DLGAP2: variants seen among roughly 807,000 people sequenced by gnomAD.
DLGAP2 encodes DLG associated protein 2.
In DLGAP2, 26 loss-of-function variants were observed where a neutral mutation model predicts 100.3. The observed-to-expected ratio is 0.26, with a 90% CI of 0.19 to 0.36. The LOEUF is 0.36. DLGAP2 is among the 10% of genes least tolerant of loss of function. The probability of loss-of-function intolerance (pLI) is 1.00; values close to 1 mark genes in which losing one functional copy is unlikely to be tolerated. For missense variants in DLGAP2, 1,858 were observed against 1,453.2 expected, an observed-to-expected ratio of 1.28 and a Z score of -4.53; for synonymous variants, 886 against 630.1, an observed-to-expected ratio of 1.41 and a Z score of -6.08.
At chr8:1,234,543 T>TAG (rs1798603706) in intron 2 of DLGAP2, among the ~76,000 whole-genome samples, 1 of 152,176 alleles carries the variant, frequency 6.6e-6, no homozygotes, top group East Asian at 1.9e-4. Flanking sequence ...ACCCTATTTC[T>TAG]AAACTAAGGT....
chr8:747,028 T>A (rs987424743), intron 1 of DLGAP2, among the ~76,000 whole-genome samples: 43 of 151,854 alleles, frequency 2.8e-4, no homozygotes, highest in African/African-American at 9.0e-4. Flanking sequence ...GGAAGGGAAA[T>A]GGGCCCCTTG....
intron 2 of DLGAP2, among the ~76,000 whole-genome samples, chr8:1,145,755 C>A (rs1796594792): frequency 1.6e-5 from 2 of 126,294 alleles, no homozygotes; most frequent in East Asian, 3.0e-4. Flanking sequence ...TAATGCTATC[C>A]CTCCCCCCTC....
chr8:958,974 C>G (rs569138350), intron 2 of DLGAP2, among the ~76,000 whole-genome samples: 2 of 152,122 alleles, frequency 1.3e-5, no homozygotes, highest in Admixed American at 6.5e-5. Context: ...AGCATTGATG[C>G]TGAAGATTAT....
Position 1,706,020 on chromosome 8 carries a change from C to T in DLGAP2, c.*4614C>T, listed in dbSNP as rs1437356108. 1 of 152,248 alleles carries T rather than the reference C, an allele frequency of 6.6e-6. No individual in the cohort carries two copies. The highest frequency in any genetic ancestry group is 2.4e-5 in the African/African-American group (1 of 41,454). The allele number at this position is 152,248 out of a possible 1,614,324, so 9.4% of individuals were successfully genotyped here. Reference sequence around the variant, plus strand: ...CACCACATAAGGTCAGCTCAGAGCCCATGGCTTCCCTGCAGGAGCCCCATC... The same window carrying T: ...CACCACATAAGGTCAGCTCAGAGCCTATGGCTTCCCTGCAGGAGCCCCATC... On this transcript the variant is annotated 3_prime_UTR_variant, in exon 15 of 15. Transcript: ENST00000637795.
At chr8:1,229,501 T>TTG (rs1373788420) in intron 2 of DLGAP2, among the ~76,000 whole-genome samples, 1 of 152,130 alleles carries the variant, frequency 6.6e-6, no homozygotes, top group Non-Finnish European at 1.5e-5. Context: ...ATTTTCTAGT[T>TTG]TGTGTGTGTA....
chr8:1,508,831 G>T (rs1414404875), intron 4 of DLGAP2, among the ~76,000 whole-genome samples: 1 of 151,734 alleles, frequency 6.6e-6, no homozygotes, highest in Admixed American at 6.6e-5. Flanking sequence ...ACGGGGCCAG[G>T]CTCGGGCTCC....
intron 2 of DLGAP2, among the ~76,000 whole-genome samples, chr8:1,153,584 T>G (rs532106783): frequency 4.3e-4 from 65 of 152,248 alleles, no homozygotes; most frequent in African/African-American, 1.5e-3. Flanking sequence ...TTCATTAGAG[T>G]AAAATTATCA....
chr8:1,388,615 A>T lies in DLGAP2; in HGVS notation c.107-112751A>T, dbSNP rs1444768200. Among the ~76,000 whole-genome samples the T allele has an allele frequency of 2.8e-5, 2 of 71,944 alleles. 1 individual carries two copies. The highest frequency in any genetic ancestry group is 2.7e-4 in the Admixed American group (2 of 7,448). 47.2% of individuals were successfully genotyped at this position (71,944 alleles called of 152,430 possible). On this transcript the variant is annotated intron_variant, in intron 3 of 14. Coordinates refer to ENST00000637795, the MANE Select transcript of DLGAP2 (RefSeq NM_001346810.2). ...AGGGCTGTGAGAGCAGAGGCCGTGG[A>T]TGGGGAGGCTCTGGTTCAGGTGTCA...
chr8:1,036,363 G>C (rs924324723), intron 2 of DLGAP2, among the ~76,000 whole-genome samples: 1 of 152,254 alleles, frequency 6.6e-6, no homozygotes, highest in East Asian at 1.9e-4. Context: ...GAGGACACAA[G>C]ACCCCCCGAC....
intron 2 of DLGAP2, among the ~76,000 whole-genome samples, chr8:1,251,677 C>T (rs1330799504): frequency 2.6e-5 from 4 of 152,230 alleles, no homozygotes; most frequent in African/African-American, 7.2e-5. Context: ...TGTTGGAATA[C>T]AGTCATGTGA....
chr8:893,677 A>C (rs1398030752), intron 1 of DLGAP2, among the ~76,000 whole-genome samples: 2 of 152,354 alleles, frequency 1.3e-5, no homozygotes, highest in East Asian at 3.9e-4. Context: ...GACAGCATCC[A>C]GCGGCCCTCC....
chr8:1,672,797 G>T (rs533587232), intron 10 of DLGAP2, among the ~76,000 whole-genome samples: 3 of 152,358 alleles, frequency 2.0e-5, no homozygotes, highest in East Asian at 1.9e-4. Flanking sequence ...GGCAGAGCAC[G>T]TCTCAGAGGG....
chr8:1,062,488 G>A (rs1018304974), intron 2 of DLGAP2, among the ~76,000 whole-genome samples: 1 of 152,108 alleles, frequency 6.6e-6, no homozygotes, highest in East Asian at 1.9e-4. Context: ...GGCTCTCCTC[G>A]GTAAGTCAAG....
chr8:1,583,745 C>T (rs917972002), intron 6 of DLGAP2, among the ~76,000 whole-genome samples: 2 of 152,130 alleles, frequency 1.3e-5, no homozygotes, highest in African/African-American at 4.8e-5. Context: ...GCTCCAAGTC[C>T]TGCCTCTCAC....
intron 3 of DLGAP2, among the ~76,000 whole-genome samples, chr8:1,447,078 C>G (rs1215270354): frequency 6.6e-6 from 1 of 152,174 alleles, no homozygotes; most frequent in African/African-American, 2.4e-5. Context: ...ATTGAATACC[C>G]TTTATTTCCT....
intron 3 of DLGAP2, among the ~76,000 whole-genome samples, chr8:1,498,065 A>G (rs546901915): frequency 6.6e-6 from 1 of 152,188 alleles, no homozygotes; most frequent in African/African-American, 2.4e-5. Context: ...AGGCAGGACA[A>G]CTGGAAGTGA....
chr8:1,468,941 G>A (rs561353821), intron 3 of DLGAP2, among the ~76,000 whole-genome samples: 10 of 152,218 alleles, frequency 6.6e-5, no homozygotes, highest in East Asian at 3.9e-4. Context: ...GAAAGACATC[G>A]TCCTGGTATT....
At chr8:1,674,449 T>C (rs998552786) in intron 10 of DLGAP2, among the ~76,000 whole-genome samples, 4 of 152,264 alleles carry the variant, frequency 2.6e-5, no homozygotes, top group Non-Finnish European at 5.9e-5. Context: ...GGTGCTACTT[T>C]ATAAATAATG....
At chr8:864,477 GA>G (rs2128990466) in intron 1 of DLGAP2, among the ~76,000 whole-genome samples, 1 of 152,290 alleles carries the variant, frequency 6.6e-6, no homozygotes, top group African/African-American at 2.4e-5. Flanking sequence ...GAGTCAACTA[GA>G]AAATTTTAGA....
Sources: allele counts gnomAD v4.1 joint callset (sites outside exome capture counted in the v4.1 genomes callset), GRCh38; gene constraint gnomAD v4.1.1; transcripts MANE v1.5; gene names NCBI Gene and HGNC (gene_info 2026-07-23, HGNC 2026-07-21).